Variants in ITPR1 observed in about 807,000 individuals in gnomAD.
ITPR1 encodes inositol 1,4,5-trisphosphate-gated calcium channel ITPR1.
ITPR1 carries 96 observed loss-of-function variants against 318.4 expected under a neutral mutation model. That is an observed-to-expected ratio of 0.30 (90% CI 0.26 to 0.36). The LOEUF (loss-of-function observed/expected upper bound fraction) is 0.36, where lower values mean the gene tolerates loss of function less well. Among genes scored for constraint, ITPR1 ranks in the 10% least tolerant of loss-of-function variants. The pLI, the probability that ITPR1 is intolerant of heterozygous loss-of-function variation, is 1.00. For missense variants in ITPR1, 2,440 were observed against 3,460.2 expected, an observed-to-expected ratio of 0.71 and a Z score of 7.40; for synonymous variants, 1,312 against 1,289.9, an observed-to-expected ratio of 1.02 and a Z score of -0.37.
intron 35 of ITPR1, 54 bp from the exon 36 acceptor site, chr3:4,702,776 G>A: frequency 2.5e-6 from 4 of 1,576,090 alleles, no homozygotes; most frequent in East Asian, 2.3e-5. Flanking sequence ...CGGATCATCA[G>A]TAGTCTACAA....
chr3:4,786,516 C>G (rs2047206764), intron 51 of ITPR1, among the ~76,000 whole-genome samples: 1 of 152,228 alleles, frequency 6.6e-6, no homozygotes, highest in Non-Finnish European at 1.5e-5. Context: ...GAGCTAGAAC[C>G]AGCTCTTCTT....
intron 4 of ITPR1, among the ~76,000 whole-genome samples, chr3:4,523,567 G>A (rs943159779): frequency 1.2e-4 from 18 of 151,990 alleles, no homozygotes; most frequent in Admixed American, 2.0e-4. Flanking sequence ...GTATCCCTTG[G>A]CCAACCTCTC....
Position 4,826,358 on chromosome 3 carries a change from G to A in ITPR1, c.8028+8116G>A, listed in dbSNP as rs2050075748. Among the ~76,000 whole-genome samples the A allele has an allele frequency of 6.6e-6, 1 of 152,236 alleles. No homozygotes were observed. Among genetic ancestry groups the A allele is most frequent in the South Asian group, 2.1e-4 (1 of 4,832 alleles). On this transcript the variant is annotated intron_variant, in intron 60 of 61. Coordinates refer to ENST00000649015, the MANE Select transcript of ITPR1 (RefSeq NM_001378452.1). The surrounding 1 kb of genome is among the most constrained non-coding windows in gnomAD (Gnocchi z 4.2). ...TAAAATGTCACCTGGGCTCTGACAA[G>A]CCCTTAACCATGGGTGAGGATACAG...
At chr3:4,501,611 T>C (rs2081028546) in intron 2 of ITPR1, among the ~76,000 whole-genome samples, 1 of 152,256 alleles carries the variant, frequency 6.6e-6, no homozygotes, top group African/African-American at 2.4e-5. Context: ...CTGTTCAGGC[T>C]GAAGCTGACC....
At chr3:4,604,747 C>T (rs1413811421) in intron 4 of ITPR1, among the ~76,000 whole-genome samples, 3 of 152,006 alleles carry the variant, frequency 2.0e-5, no homozygotes, top group Admixed American at 6.5e-5. Flanking sequence ...CCTGTGACTA[C>T]CAGAATAGAG....
intron 46 of ITPR1, among the ~76,000 whole-genome samples, chr3:4,769,359 T>A (rs2046037039): frequency 6.6e-6 from 1 of 152,226 alleles, no homozygotes; most frequent in Non-Finnish European, 1.5e-5. Context: ...TTGATGTGTG[T>A]GTCTTGTAGC....
At chr3:4,522,025 A>G (rs1344420942) in intron 4 of ITPR1, among the ~76,000 whole-genome samples, 1 of 152,198 alleles carries the variant, frequency 6.6e-6, no homozygotes, top group Non-Finnish European at 1.5e-5. Flanking sequence ...TTGGTATCTT[A>G]GATGATAAAC....
chr3:4,785,154 G>C (rs1195091938), intron 51 of ITPR1, among the ~76,000 whole-genome samples: 1 of 152,210 alleles, frequency 6.6e-6, no homozygotes, highest in East Asian at 1.9e-4. Context: ...AAAGTCATTG[G>C]TGTATCTCCA....
intron 4 of ITPR1, among the ~76,000 whole-genome samples, chr3:4,522,481 T>C (rs1363624748): frequency 6.6e-6 from 1 of 152,134 alleles, no homozygotes; most frequent in Non-Finnish European, 1.5e-5. Context: ...CCAGTTGGCG[T>C]GAGACAATCA....
At chr3:4,585,880 A>G (rs1405453881) in intron 4 of ITPR1, among the ~76,000 whole-genome samples, 1 of 152,020 alleles carries the variant, frequency 6.6e-6, no homozygotes, top group Non-Finnish European at 1.5e-5. Flanking sequence ...TCAACCTGTT[A>G]CCTTCATTAG....
chr3:4,741,700 G>C (rs2043718966), intron 44 of ITPR1, among the ~76,000 whole-genome samples: 1 of 152,216 alleles, frequency 6.6e-6, no homozygotes, highest in Non-Finnish European at 1.5e-5. Context: ...GATGAGGGCG[G>C]AAAGGGCAAT....
intron 4 of ITPR1, among the ~76,000 whole-genome samples, chr3:4,530,354 T>C (rs964448227): frequency 2.6e-5 from 4 of 152,360 alleles, no homozygotes; most frequent in African/African-American, 9.6e-5. Context: ...TTTTCTGATA[T>C]GATTTTGACT....
At chr3:4,788,588 C>A (rs895251735) in intron 52 of ITPR1, among the ~76,000 whole-genome samples, 4 of 152,150 alleles carry the variant, frequency 2.6e-5, no homozygotes, top group Non-Finnish European at 5.9e-5. Context: ...TAGACTAAAT[C>A]GTTTTACAGG....
rs181465598 is a variant in ITPR1 at position 4,667,556 on chromosome 3, C to T, written c.1886+7C>T. 624 of 1,610,606 alleles carry T rather than the reference C, an allele frequency of 3.9e-4. 1 individual carries two copies. The African/African-American group carries it at 7.5e-3, about 19-fold the overall frequency. On this transcript the variant is annotated splice_region_variant and intron_variant, in intron 18 of 61. Coordinates refer to ENST00000649015, the MANE Select transcript of ITPR1 (RefSeq NM_001378452.1). ...GAAAGAACAGGGAGCCCAGGTGAGG[C>T]GGGAGTGGGGTCCATGCAGGATGGT... is the stretch of plus-strand genomic sequence containing the variant.
intron 4 of ITPR1, among the ~76,000 whole-genome samples, chr3:4,588,287 G>A (rs1415942512): frequency 1.3e-5 from 2 of 151,746 alleles, no homozygotes; most frequent in African/African-American, 4.8e-5. Context: ...AGAATGCTCT[G>A]TAACTTTGCA....
chr3:4,674,742 G>A (rs1038681457), intron 22 of ITPR1, among the ~76,000 whole-genome samples: 2 of 152,038 alleles, frequency 1.3e-5, no homozygotes, highest in Non-Finnish European at 2.9e-5. Flanking sequence ...GCTGAGGATC[G>A]CAGAGTGTTA....
chr3:4,639,603 A>G (rs968946158), intron 6 of ITPR1, 133 bp downstream of exon 6: 5 of 675,554 alleles, frequency 7.4e-6, no homozygotes, highest in South Asian at 6.9e-5. Flanking sequence ...TATTGCAAAA[A>G]GTCTAGTGTT....
In ITPR1 at chr3:4,652,197, G is replaced by A. The variant is rs28565126; in HGVS notation, c.930G>A (p.Thr310=). Residue 310 remains threonine, a synonymous_variant, in exon 11 of 62, where the codon ACG becomes ACA. Coordinates refer to ENST00000649015, the MANE Select transcript of ITPR1 (RefSeq NM_001378452.1). ...TTTTCCGTTTCAAGCATCTGGCCAC[G>A]GGGCATTACTTGGCAGCAGAGGTAA... ...NSLFRFKHLA[T]GHYLAAEVDP... is the part of the protein sequence containing the mutation. 530 of 1,612,202 alleles carry A rather than the reference G, an allele frequency of 3.3e-4. 4 individuals carry two copies. The African/African-American group carries it at 6.2e-3, about 19-fold the overall frequency.
intron 4 of ITPR1, among the ~76,000 whole-genome samples, chr3:4,526,772 T>G (rs1224222337): frequency 6.6e-6 from 1 of 152,238 alleles, no homozygotes; most frequent in Non-Finnish European, 1.5e-5. Context: ...AGAATGATTA[T>G]CATTCATTTC....
Sources: allele counts gnomAD v4.1 joint callset (sites outside exome capture counted in the v4.1 genomes callset), GRCh38; gene constraint gnomAD v4.1.1; non-coding constraint Gnocchi (gnomAD v3.1); transcripts MANE v1.5; gene names NCBI Gene and HGNC (gene_info 2026-07-23, HGNC 2026-07-21).